The following OLFM1 variants were observed in gnomAD, a reference collection of about 807,000 sequenced individuals.
OLFM1 encodes the protein olfactomedin 1, also known as noelin.
Under a neutral mutation model 49.7 loss-of-function variants are expected in OLFM1, and 9 were observed. The ratio of observed to expected loss-of-function variants is 0.18; its 90% confidence interval spans 0.11 to 0.32. The LOEUF (loss-of-function observed/expected upper bound fraction) is 0.32. OLFM1 is among the 10% of genes least tolerant of loss of function. The probability of loss-of-function intolerance (pLI) is 1.00; values close to 1 mark genes in which losing one functional copy is unlikely to be tolerated. For synonymous variants in OLFM1, 240 were observed against 271.8 expected (o/e 0.88, Z 1.15); for missense variants, 369 against 661.8 (o/e 0.56, Z 4.85).
intron 1 of OLFM1, among the ~76,000 whole-genome samples, chr9:135,078,907 T>C (rs1830499990): frequency 6.6e-6 from 1 of 152,178 alleles, no homozygotes; most frequent in Non-Finnish European, 1.5e-5. Context: ...CTTTAACCCC[T>C]CTGAGCCTGA....
intron 5 of OLFM1, among the ~76,000 whole-genome samples, chr9:135,109,136 T>C (rs910787468): frequency 3.9e-5 from 6 of 152,118 alleles, no homozygotes; most frequent in Admixed American, 3.3e-4. Flanking sequence ...TGTCTGTACC[T>C]TACACCCCCC....
chr9:135,083,027 G>C (rs987817803), upstream of OLFM1, among the ~76,000 whole-genome samples: 3 of 152,204 alleles, frequency 2.0e-5, no homozygotes, highest in Non-Finnish European at 2.9e-5. Context: ...CCCTGGGATT[G>C]ACTCTTTGAT....
intron 1 of OLFM1, among the ~76,000 whole-genome samples, chr9:135,081,030 C>T (rs749201449): frequency 4.6e-5 from 7 of 151,938 alleles, no homozygotes; most frequent in Admixed American, 2.6e-4. Context: ...GGAGCCCGCC[C>T]GGAGTTAAAG....
chr9:135,102,027 C>G (rs1479575375), intron 4 of OLFM1, among the ~76,000 whole-genome samples: 3 of 152,240 alleles, frequency 2.0e-5, no homozygotes, highest in Non-Finnish European at 4.4e-5. Flanking sequence ...TCAGTCGGGT[C>G]TTTTTGTTTC....
At position 135,088,845 on chromosome 9, in the gene OLFM1, G is replaced by A. The variant is rs1051177636; in HGVS notation, c.150+706G>A. Among the ~76,000 whole-genome samples, 1 of 152,172 alleles carries A rather than the reference G, an allele frequency of 6.6e-6. No homozygotes were observed. Among genetic ancestry groups the A allele is most frequent in the Non-Finnish European group, 1.5e-5 (1 of 68,036 alleles). ...CTTCTGCGCGCACCCCTCCCTCCTG[G>A]CCTCTGAAATTGAAATCGCGTCTCC... On this transcript the variant is annotated intron_variant, in intron 1 of 5. Transcript: ENST00000371793. The surrounding 1 kb of genome is among the most constrained non-coding windows in gnomAD (Gnocchi z 4.8).
intron 1 of OLFM1, chr9:135,075,848 C>G (rs374738588): frequency 2.0e-6 from 3 of 1,538,130 alleles, no homozygotes; most frequent in Non-Finnish European, 2.6e-6. Flanking sequence ...GCGCCCGGCC[C>G]GGCCCCTCGG....
intron 2 of OLFM1, among the ~76,000 whole-genome samples, chr9:135,091,667 T>TCACA (rs879553596): frequency 3.1e-4 from 6 of 19,314 alleles, no homozygotes; most frequent in East Asian, 2.6e-3. Flanking sequence ...ACACACACAG[T>TCACA]CACACACTCA....
At position 135,088,792 on chromosome 9, in the gene OLFM1, G is replaced by C. The variant is rs60526789; in HGVS notation, c.150+653G>C. 0.034 allele frequency among the ~76,000 whole-genome samples: 5,171 copies of C among 152,274 alleles called. 169 individuals carry two copies. Among genetic ancestry groups the C allele is most frequent in the African/African-American group, 0.083 (3,462 of 41,558 alleles). ...GGGGCCCCTGGGAGCCTGCCCTTGGGCGCTCACCCCCTCGCCTTTGCCTTC... is the reference window on the plus strand; with the variant it reads ...GGGGCCCCTGGGAGCCTGCCCTTGGCCGCTCACCCCCTCGCCTTTGCCTTC... On this transcript the variant is annotated intron_variant, in intron 1 of 5. Transcript: ENST00000371793. This position sits in a 1 kb window ranked among gnomAD's most constrained non-coding sequence, Gnocchi z 4.8.
intron 4 of OLFM1, among the ~76,000 whole-genome samples, chr9:135,103,615 G>A (rs1469871753): frequency 2.0e-5 from 3 of 152,244 alleles, no homozygotes; most frequent in Non-Finnish European, 4.4e-5. Context: ...TTGGCCCACG[G>A]CAGGGTGGGC....
chr9:135,104,761 C>A (rs1380591434), intron 4 of OLFM1, among the ~76,000 whole-genome samples: 1 of 152,148 alleles, frequency 6.6e-6, no homozygotes, highest in African/African-American at 2.4e-5. Context: ...AAGCCCAGGG[C>A]CCCCCAGCAG....
chr9:135,099,467 CA>C (rs1418956160), intron 4 of OLFM1, among the ~76,000 whole-genome samples: 2 of 151,844 alleles, frequency 1.3e-5, no homozygotes, highest in African/African-American at 4.8e-5. Context: ...CTAAAACATC[CA>C]AAAAGAACAC....
intron 4 of OLFM1, among the ~76,000 whole-genome samples, chr9:135,100,683 G>C (rs911558532): frequency 1.3e-5 from 2 of 152,194 alleles, no homozygotes; most frequent in African/African-American, 2.4e-5. Context: ...CTCGATAGCT[G>C]TGCGACTCCC....
chr9:135,108,349 C>T (rs1005384745), intron 5 of OLFM1, among the ~76,000 whole-genome samples: 10 of 152,108 alleles, frequency 6.6e-5, no homozygotes, highest in African/African-American at 2.4e-4. Context: ...ACTTAGAAAG[C>T]AGGCCCGGGC....
chr9:135,084,365 C>A (rs566399705), upstream of OLFM1, among the ~76,000 whole-genome samples: 1 of 143,082 alleles, frequency 7.0e-6, no homozygotes, highest in African/African-American at 2.8e-5. This position sits in a 1 kb window ranked among gnomAD's most constrained non-coding sequence, Gnocchi z 4.6. Context: ...CTCCTCTCTC[C>A]GTCTCTTCTC....
At position 135,113,648 on chromosome 9, in the gene OLFM1, C is replaced by G. The variant is rs1831054007; in HGVS notation, c.784-5856C>G. 6.6e-6 allele frequency among the ~76,000 whole-genome samples: 1 copy of G among 152,196 alleles called. No homozygotes were observed. Among genetic ancestry groups the G allele is most frequent in the Non-Finnish European group, 1.5e-5 (1 of 68,026 alleles). The stretch of plus-strand genomic sequence containing the variant: ...CCCTCACTCTGTGGGATCCACAGAG[C>G]AGTGCCTGGGAGGCCAGAAAGCTTT... On this transcript the variant is annotated intron_variant, in intron 5 of 5. Coordinates refer to ENST00000371793, the MANE Select transcript of OLFM1 (RefSeq NM_001282611.2). The surrounding 1 kb of genome is among the most constrained non-coding windows in gnomAD (Gnocchi z 4.0).
intron 5 of OLFM1, among the ~76,000 whole-genome samples, chr9:135,114,931 A>C (rs928063082): frequency 6.6e-6 from 1 of 152,122 alleles, no homozygotes; most frequent in Non-Finnish European, 1.5e-5. Flanking sequence ...CACGCGGCAC[A>C]GTGTGGACCC....
chr9:135,075,782 A>G, exon 1 of OLFM1: 2 of 1,606,592 alleles, frequency 1.2e-6, no homozygotes, highest in Non-Finnish European at 1.7e-6. Context: ...CCTCATCCTG[A>G]TGGGCACTGA....
upstream of OLFM1, chr9:135,086,719 A>C: frequency 2.2e-6 from 1 of 455,892 alleles, no homozygotes. Context: ...TGGGACTGAC[A>C]CGCGTGAGTC....
chr9:135,085,785 A>C (rs148799412), upstream of OLFM1, among the ~76,000 whole-genome samples: 36 of 152,360 alleles, frequency 2.4e-4, no homozygotes, highest in African/African-American at 8.2e-4. Flanking sequence ...ATCCAATTAC[A>C]CTTACTCAAG....
Sources: gnomAD v4.1 joint callset for allele counts (sites outside exome capture counted in the v4.1 genomes callset) on GRCh38, gnomAD v4.1.1 for gene constraint, Gnocchi (gnomAD v3.1) non-coding constraint, MANE v1.5 for transcripts, NCBI Gene and HGNC (gene_info 2026-07-23, HGNC 2026-07-21) for gene names.